Variants in R3HDM1 observed in about 807,000 individuals in gnomAD.
R3HDM1 encodes R3H domain containing 1, also known as R3H domain-containing protein 1.
R3HDM1 carries 46 observed loss-of-function variants against 141.1 expected under a neutral mutation model. The observed-to-expected ratio is 0.33, with a 90% CI of 0.26 to 0.42. R3HDM1 has a LOEUF of 0.42. Among genes scored for constraint, R3HDM1 ranks in the 10% least tolerant of loss-of-function variants. The pLI is 1.00. For missense variants in R3HDM1, 1,184 were observed against 1,368.3 expected (o/e 0.87, Z 2.12); for synonymous variants, 435 against 472.9 (o/e 0.92, Z 1.04).
At chr2:135,622,913 C>CT (rs1186076851) in intron 7 of R3HDM1, 181 bp downstream of exon 7, 9 of 983,756 alleles carry the variant, frequency 9.1e-6, no homozygotes, top group Non-Finnish European at 2.4e-6. Context: ...ATATAAATAT[C>CT]TTTTTGCATT....
intron 3 of R3HDM1, among the ~76,000 whole-genome samples, chr2:135,615,587 C>G (rs1478135880): frequency 6.6e-6 from 1 of 152,074 alleles, no homozygotes; most frequent in African/African-American, 2.4e-5. Context: ...TTTTTTCTTC[C>G]TTTCTGCTTC....
intron 23 of R3HDM1, among the ~76,000 whole-genome samples, chr2:135,714,301 A>G (rs1487323292): frequency 6.6e-6 from 1 of 152,214 alleles, no homozygotes; most frequent in Non-Finnish European, 1.5e-5. Flanking sequence ...TCCCAAATAT[A>G]TAACATGAAC....
At chr2:135,698,291 C>G (rs914748373) in intron 21 of R3HDM1, among the ~76,000 whole-genome samples, 10 of 151,572 alleles carry the variant, frequency 6.6e-5, no homozygotes, top group African/African-American at 2.2e-4. Context: ...TCCCGACTAG[C>G]TGGGACTACA....
rs115910184 is a variant in R3HDM1, at chr2:135,622,963, A to T, written c.497+231A>T. 90 of 980,956 alleles carry T rather than the reference A, an allele frequency of 9.2e-5. No homozygotes were observed. The African/African-American group carries it at 1.5e-3, about 17-fold the overall frequency. The allele number at this position is 980,956 out of a possible 1,614,324, so 60.8% of individuals were successfully genotyped here. On this transcript the variant is annotated intron_variant, in intron 7 of 26. Coordinates refer to ENST00000683871, the MANE Select transcript of R3HDM1 (RefSeq NM_001378107.1). ...GATGTATGAATTTTGGGAAATATAGAATCACTAAGATATTTAGGCTCTTGA... is the reference window on the plus strand; with the variant it reads ...GATGTATGAATTTTGGGAAATATAGTATCACTAAGATATTTAGGCTCTTGA...
At chr2:135,555,457 G>GA (rs1700572773) in intron 1 of R3HDM1, among the ~76,000 whole-genome samples, 1 of 152,140 alleles carries the variant, frequency 6.6e-6, no homozygotes, top group Non-Finnish European at 1.5e-5. Flanking sequence ...CTGCCAGTAG[G>GA]AGTGTAAAGG....
intron 7 of R3HDM1, among the ~76,000 whole-genome samples, chr2:135,627,515 A>G (rs2062164073): frequency 6.6e-6 from 1 of 152,122 alleles, no homozygotes; most frequent in Non-Finnish European, 1.5e-5. Context: ...AGGAACCTGA[A>G]GGTGTTACTG....
chr2:135,642,821 A>C (rs1360729528), intron 15 of R3HDM1, among the ~76,000 whole-genome samples: 1 of 152,182 alleles, frequency 6.6e-6, no homozygotes, highest in Non-Finnish European at 1.5e-5. Context: ...TTTAAGACGA[A>C]GTATGCAAAC....
intron 18 of R3HDM1, among the ~76,000 whole-genome samples, chr2:135,659,441 C>CT (rs112949059): frequency 1.1e-3 from 163 of 143,962 alleles, no homozygotes; most frequent in Admixed American, 3.7e-3. Context: ...GGACTACATT[C>CT]TTTTTTTTTT....
At chr2:135,565,113 T>C (rs1346783019) in intron 1 of R3HDM1, among the ~76,000 whole-genome samples, 1 of 152,046 alleles carries the variant, frequency 6.6e-6, no homozygotes, top group African/African-American at 2.4e-5. Flanking sequence ...CTTGGATGTA[T>C]GCTGTAATTT....
intron 1 of R3HDM1, among the ~76,000 whole-genome samples, chr2:135,560,223 G>A (rs902750385): frequency 1.3e-5 from 2 of 152,220 alleles, no homozygotes; most frequent in African/African-American, 4.8e-5. Context: ...ATTGAAGGCT[G>A]TGTAAACCAA....
At position 135,593,140 on chromosome 2, in the gene R3HDM1, G is replaced by A. The variant is rs566348070; in HGVS notation, c.-249-9360G>A. On this transcript the variant is annotated intron_variant, in intron 1 of 26. Coordinates refer to ENST00000683871, the MANE Select transcript of R3HDM1 (RefSeq NM_001378107.1). ...TCACCATGTTGGCCAGGCTAGTCTCGAACTCCTGACCTCAAGTGATCCACC... is the reference window on the plus strand; with the variant it reads ...TCACCATGTTGGCCAGGCTAGTCTCAAACTCCTGACCTCAAGTGATCCACC... 3.0e-3 allele frequency among the ~76,000 whole-genome samples: 451 copies of A among 151,832 alleles called. 5 individuals are homozygous for A. The highest frequency in any genetic ancestry group is 1.8e-3 in the Non-Finnish European group (124 of 67,942).
intron 1 of R3HDM1, among the ~76,000 whole-genome samples, chr2:135,552,938 G>A (rs140072872): frequency 4.2e-4 from 64 of 152,098 alleles, no homozygotes; most frequent in African/African-American, 1.5e-3. Flanking sequence ...GAGTGCAGTG[G>A]CATGATCATA....
chr2:135,565,548 C>T (rs577635276), intron 1 of R3HDM1, among the ~76,000 whole-genome samples: 1 of 151,884 alleles, frequency 6.6e-6, no homozygotes, highest in South Asian at 2.1e-4. Flanking sequence ...TTTCTTTAAT[C>T]AAAAATCTTT....
intron 5 of R3HDM1, among the ~76,000 whole-genome samples, chr2:135,617,752 T>G (rs1391697214): frequency 6.6e-6 from 1 of 152,222 alleles, no homozygotes; most frequent in Non-Finnish European, 1.5e-5. Flanking sequence ...TAACTTTGCC[T>G]AGTGGCTAGT....
At chr2:135,651,503 G>A (rs4954279) in intron 17 of R3HDM1, 251,682 of 953,372 alleles carry the variant, frequency 0.26, 50,137 homozygotes, top group East Asian at 0.87. Context: ...TGCATGCTGT[G>A]CATTCCCACT....
At chr2:135,665,626 A>G (rs1244290485) in intron 19 of R3HDM1, 1 of 262,390 alleles carries the variant, frequency 3.8e-6, no homozygotes, top group African/African-American at 2.2e-5. Flanking sequence ...TTTAAGTGAC[A>G]TCTTTGGCCT....
chr2:135,703,273 A>C (rs539139973), intron 21 of R3HDM1, among the ~76,000 whole-genome samples: 5 of 152,318 alleles, frequency 3.3e-5, no homozygotes, highest in African/African-American at 4.8e-5. Context: ...CTATTTATTA[A>C]ATGGGAAATA....
At chr2:135,541,342 G>A (rs1697445544) in intron 1 of R3HDM1, among the ~76,000 whole-genome samples, 3 of 151,948 alleles carry the variant, frequency 2.0e-5, no homozygotes, top group Admixed American at 2.0e-4. Flanking sequence ...TGAGTAGCTG[G>A]GACTACAGGC....
intron 1 of R3HDM1, among the ~76,000 whole-genome samples, chr2:135,570,619 A>T (rs1049459664): frequency 5.3e-5 from 8 of 152,254 alleles, no homozygotes; most frequent in African/African-American, 1.9e-4. Flanking sequence ...CCCCTTTACA[A>T]CTGTCTGAGG....
Sources: gnomAD v4.1 joint callset for allele counts (sites outside exome capture counted in the v4.1 genomes callset) on GRCh38, gnomAD v4.1.1 for gene constraint, MANE v1.5 for transcripts, NCBI Gene and HGNC (gene_info 2026-07-23, HGNC 2026-07-21) for gene names.